SMIM7: variants seen among roughly 807,000 people sequenced by gnomAD.
SMIM7 encodes the protein UPF0608 protein C19orf42.
SMIM7 carries 12 observed loss-of-function variants against 13.3 expected under a neutral mutation model. The observed-to-expected ratio is 0.90, with a 90% CI of 0.58 to 1.46. The LOEUF is 1.46. Among genes scored for constraint, SMIM7 ranks in the 40% most tolerant of loss-of-function variants. SMIM7 has a pLI of 0.00. For synonymous variants in SMIM7, 36 were observed against 35.8 expected (o/e 1.01, Z -0.02); for missense variants, 114 against 94.8 (o/e 1.20, Z -0.84).
chr19:16,635,992 C>T (rs138944526), intron 4 of SMIM7, among the ~76,000 whole-genome samples: 94 of 151,316 alleles, frequency 6.2e-4, no homozygotes, highest in Non-Finnish European at 1.1e-3. Flanking sequence ...GTCCCCATCC[C>T]AATCCCCAGA....
chr19:16,632,628 T>C (rs1487700376), intron 4 of SMIM7, among the ~76,000 whole-genome samples: 2 of 149,212 alleles, frequency 1.3e-5, no homozygotes, highest in African/African-American at 2.5e-5. Flanking sequence ...ACCTCTTGGG[T>C]TCAAGTGATT....
At chr19:16,648,836 G>A (rs1271715092) in intron 4 of SMIM7, among the ~76,000 whole-genome samples, 1 of 151,648 alleles carries the variant, frequency 6.6e-6, no homozygotes, top group Non-Finnish European at 1.5e-5. Flanking sequence ...GCGAAACCCA[G>A]TACTTCTTGT....
At chr19:16,631,977 C>T (rs1216784885) in intron 4 of SMIM7, among the ~76,000 whole-genome samples, 1 of 151,298 alleles carries the variant, frequency 6.6e-6, no homozygotes, top group Non-Finnish European at 1.5e-5. Context: ...TCAAGCGATT[C>T]TCCTGCCTCA....
At chr19:16,649,731 TCCA>T (rs2086495420) in intron 4 of SMIM7, among the ~76,000 whole-genome samples, 1 of 152,254 alleles carries the variant, frequency 6.6e-6, no homozygotes, top group South Asian at 2.1e-4. Flanking sequence ...ATTTCAACTG[TCCA>T]CCAACTGACA....
At chr19:16,644,989 T>C (rs2086435599), downstream of SMIM7, 1 of 152,214 alleles carries the variant, frequency 6.6e-6, no homozygotes, top group South Asian at 2.1e-4. Flanking sequence ...CAGAATGAGC[T>C]GAGATGGGAT....
intron 4 of SMIM7, among the ~76,000 whole-genome samples, chr19:16,635,490 G>A (rs750451782): frequency 7.2e-5 from 11 of 151,890 alleles, no homozygotes; most frequent in Non-Finnish European, 8.8e-5. Context: ...AAACCAACTA[G>A]GAGGGTGGAT....
chr19:16,648,110 A>G (rs894094236), intron 4 of SMIM7, among the ~76,000 whole-genome samples: 5 of 152,166 alleles, frequency 3.3e-5, no homozygotes, highest in Non-Finnish European at 7.3e-5. Flanking sequence ...TGACAAAAAG[A>G]CAAAAACATA....
At chr19:16,647,515 G>C (rs1248517569) in intron 4 of SMIM7, among the ~76,000 whole-genome samples, 1 of 148,810 alleles carries the variant, frequency 6.7e-6, no homozygotes, top group Non-Finnish European at 1.5e-5. Context: ...GAGTACAGTG[G>C]TGCGATCTCA....
downstream of SMIM7, among the ~76,000 whole-genome samples, chr19:16,642,305 C>G (rs575943005): frequency 3.9e-5 from 6 of 152,328 alleles, no homozygotes; most frequent in South Asian, 1.2e-3. Flanking sequence ...TGCCTGTAAT[C>G]CCAGCACTTT....
At chr19:16,634,711 G>A (rs1401215999) in intron 4 of SMIM7, 1 of 148,448 alleles carries the variant, frequency 6.7e-6, no homozygotes, top group Non-Finnish European at 1.5e-5. Context: ...CCAGGAGGTG[G>A]AGGTTGCAGT....
intron 4 of SMIM7, among the ~76,000 whole-genome samples, chr19:16,635,895 A>ATATATATAT (rs1225099534): frequency 9.8e-5 from 13 of 132,564 alleles, no homozygotes; most frequent in African/African-American, 3.5e-4. Flanking sequence ...AAAAAAAAAA[A>ATATATATAT]AAAAATATAT....
intron 4 of SMIM7, 128 bp downstream of exon 4, chr19:16,653,907 A>C: frequency 1.3e-6 from 1 of 780,560 alleles, no homozygotes; most frequent in Admixed American, 3.0e-5. Flanking sequence ...ACAAAACAAA[A>C]AATAAAGAAA....
exon 5 of SMIM7, chr19:16,631,342 C>T (rs1372884338): frequency 6.6e-6 from 1 of 152,032 alleles, no homozygotes; most frequent in Admixed American, 6.6e-5. Context: ...GCCAAGATCA[C>T]ACCACCACAC....
intron 4 of SMIM7, among the ~76,000 whole-genome samples, chr19:16,651,426 C>T (rs182763230): frequency 6.6e-6 from 1 of 152,166 alleles, no homozygotes; most frequent in African/African-American, 2.4e-5. Context: ...GAATCAAGAA[C>T]CCCCACCCCA....
In SMIM7 at chr19:16,647,501, G is replaced by C. The variant is rs3941048; in HGVS notation, c.213-240C>G. On this transcript the variant is annotated intron_variant, in intron 4 of 4. Transcript: ENST00000487416. ...GACAGAGTCTGGCTCTGCCGCCCAG[G>C]CTGGAGTACAGTGGTGCGATCTCAG... Among the ~76,000 whole-genome samples the C allele has an allele frequency of 1.7e-4, 26 of 149,972 alleles. No individual in the cohort carries two copies. In the East Asian group the frequency reaches 2.7e-3, roughly 16 times the overall value.
intron 4 of SMIM7, among the ~76,000 whole-genome samples, chr19:16,648,479 T>C (rs113992156): frequency 1.5e-4 from 23 of 151,940 alleles, no homozygotes; most frequent in African/African-American, 4.6e-4. Flanking sequence ...AATGACACCA[T>C]CAAGAAAGTG....
chr19:16,640,527 C>T (rs1483941298), intron 4 of SMIM7: 1 of 152,248 alleles, frequency 6.6e-6, no homozygotes, highest in African/African-American at 2.4e-5. Flanking sequence ...GCTGGCTTTT[C>T]AAATCTAACC....
chr19:16,645,487 T>C (rs1474400939), downstream of SMIM7: 4 of 152,116 alleles, frequency 2.6e-5, no homozygotes, highest in East Asian at 5.8e-4. Flanking sequence ...CTTGGGGTGA[T>C]GCTTGGCTGA....
chr19:16,647,049 T>A lies in SMIM7; in HGVS notation c.*197A>T, dbSNP rs938166381. 1 of 665,310 alleles carries A rather than the reference T, an allele frequency of 1.5e-6. No individual in the cohort carries two copies. The highest frequency in any genetic ancestry group is 3.8e-4 in the Middle Eastern group (1 of 2,638). 41.2% of individuals were successfully genotyped at this position (665,310 alleles called of 1,614,324 possible). A position where few individuals can be genotyped will look rare whatever the true frequency, so the allele number is the denominator to read the frequency against. ...CAGCATTTCAATTCAGAGACCAAAG[T>A]GAAACTATCTTTGAAAACAGGGACG... On this transcript the variant is annotated 3_prime_UTR_variant, in exon 5 of 5. Transcript: ENST00000487416.
Sources: allele counts gnomAD v4.1 joint callset (sites outside exome capture counted in the v4.1 genomes callset), GRCh38; gene constraint gnomAD v4.1.1; transcripts MANE v1.5; gene names NCBI Gene and HGNC (gene_info 2026-07-23, HGNC 2026-07-21).